The following UNC5D variants were observed in gnomAD, a reference collection of about 807,000 sequenced individuals.
The protein encoded by UNC5D is unc-5 netrin receptor D, also known as netrin receptor UNC5D.
Under a neutral mutation model 105.4 loss-of-function variants are expected in UNC5D, and 39 were observed. The observed-to-expected ratio is 0.37, with a 90% CI of 0.29 to 0.48. UNC5D has a LOEUF of 0.48. Among genes scored for constraint, UNC5D ranks in the 20% least tolerant of loss-of-function variants. UNC5D has a pLI of 0.98. For missense variants in UNC5D, 991 were observed against 1,202.4 expected (o/e 0.82, Z 2.60); for synonymous variants, 452 against 450.4 (o/e 1.00, Z -0.04).
intron 4 of UNC5D, among the ~76,000 whole-genome samples, chr8:35,662,493 C>A (rs1329387833): frequency 1.3e-5 from 2 of 152,006 alleles, no homozygotes; most frequent in Non-Finnish European, 2.9e-5. Flanking sequence ...AAGAGATGAG[C>A]CTTGGTTTAA....
chr8:35,757,127 C>G (rs561288543), intron 13 of UNC5D, among the ~76,000 whole-genome samples: 7 of 152,092 alleles, frequency 4.6e-5, no homozygotes, highest in South Asian at 4.1e-4. Flanking sequence ...ATAATTTGCC[C>G]AAGACCACAC....
chr8:35,350,971 A>C (rs1473228005), intron 1 of UNC5D, among the ~76,000 whole-genome samples: 2 of 152,102 alleles, frequency 1.3e-5, no homozygotes, highest in Non-Finnish European at 2.9e-5. Context: ...AAATATCTAA[A>C]AAGTTATTTC....
chr8:35,548,724 C>T (rs1815880690), intron 1 of UNC5D, among the ~76,000 whole-genome samples: 1 of 152,166 alleles, frequency 6.6e-6, no homozygotes, highest in African/African-American at 2.4e-5. Context: ...ATCATGTTCC[C>T]TTTGAAGGGG....
intron 4 of UNC5D, among the ~76,000 whole-genome samples, chr8:35,602,811 C>T (rs866767746): frequency 5.3e-4 from 81 of 151,642 alleles, no homozygotes; most frequent in African/African-American, 1.8e-3. Context: ...CATGCTGGTG[C>T]GCTGCACCCA....
At chr8:35,548,205 A>G (rs1197274789) in intron 1 of UNC5D, among the ~76,000 whole-genome samples, 1 of 152,102 alleles carries the variant, frequency 6.6e-6, no homozygotes, top group Non-Finnish European at 1.5e-5. Flanking sequence ...CTTCCATCCA[A>G]TCAAGTTGAC....
intron 4 of UNC5D, among the ~76,000 whole-genome samples, chr8:35,637,563 G>A (rs959443498): frequency 2.0e-5 from 3 of 152,116 alleles, no homozygotes; most frequent in African/African-American, 7.2e-5. Context: ...TCTCTAATGG[G>A]TATGAGAGTA....
chr8:35,629,441 A>G (rs1469636214), intron 4 of UNC5D, among the ~76,000 whole-genome samples: 1 of 152,162 alleles, frequency 6.6e-6, no homozygotes, highest in African/African-American at 2.4e-5. Flanking sequence ...GCAACAGAAA[A>G]TCAAATACTG....
Position 35,722,317 on chromosome 8 carries a change from G to A in UNC5D, c.1225G>A (p.Asp409Asn). ...CACCCTTTACAGACGGAGCCAGAGTGACTATGGCGTGGACGTCATTGACTC... is the reference window on the plus strand; with the variant it reads ...CACCCTTTACAGACGGAGCCAGAGTAACTATGGCGTGGACGTCATTGACTC... ...GVTLYRRSQSDYGVDVIDSSA... is the reference protein window; with the variant it reads ...GVTLYRRSQSNYGVDVIDSSA... The change falls in exon 9 of 17, where the codon GAC (aspartate) becomes AAC (asparagine). Residue 409 changes from aspartate (D) to asparagine (N), a missense_variant. Around this residue, in one of 3 missense-constraint regions of UNC5D, gnomAD observed 944 missense variants for 1,131.6 expected, o/e 0.83. Coordinates refer to ENST00000404895, the MANE Select transcript of UNC5D (RefSeq NM_080872.4). 6.2e-7 allele frequency: 1 copy of A among 1,614,158 alleles called. No homozygotes were observed. The highest frequency in any genetic ancestry group is 8.5e-7 in the Non-Finnish European group (1 of 1,180,028).
intron 1 of UNC5D, among the ~76,000 whole-genome samples, chr8:35,517,754 T>C (rs1364217567): frequency 1.3e-5 from 2 of 152,208 alleles, no homozygotes; most frequent in African/African-American, 2.4e-5. Flanking sequence ...CATAACAAAG[T>C]ACCATGGACT....
intron 1 of UNC5D, among the ~76,000 whole-genome samples, chr8:35,239,193 G>C (rs1181050159): frequency 3.3e-5 from 5 of 152,082 alleles, no homozygotes; most frequent in African/African-American, 1.2e-4. Context: ...TTGCTCTCCA[G>C]ATGACCTATC....
At chr8:35,643,709 C>T (rs1258234643) in intron 4 of UNC5D, among the ~76,000 whole-genome samples, 1 of 152,010 alleles carries the variant, frequency 6.6e-6, no homozygotes, top group African/African-American at 2.4e-5. Context: ...CAGATCAGTC[C>T]TTGCATGACT....
At chr8:35,633,597 T>G (rs959888142) in intron 4 of UNC5D, among the ~76,000 whole-genome samples, 1 of 151,448 alleles carries the variant, frequency 6.6e-6, no homozygotes, top group Non-Finnish European at 1.5e-5. Context: ...AAAAAAAATT[T>G]TTTTTAAATT....
intron 1 of UNC5D, among the ~76,000 whole-genome samples, chr8:35,453,912 T>G (rs1808324171): frequency 6.6e-6 from 1 of 152,162 alleles, no homozygotes; most frequent in African/African-American, 2.4e-5. Flanking sequence ...TAAGCTGCCT[T>G]TTTCTTTCCT....
At chr8:35,258,775 A>G (rs886249837) in intron 1 of UNC5D, among the ~76,000 whole-genome samples, 11 of 152,226 alleles carry the variant, frequency 7.2e-5, no homozygotes, top group African/African-American at 2.7e-4. Flanking sequence ...AATAAACTCT[A>G]TAAGGAAAAG....
chr8:35,490,107 G>T (rs1470589507), intron 1 of UNC5D, among the ~76,000 whole-genome samples: 3 of 152,154 alleles, frequency 2.0e-5, no homozygotes, highest in Non-Finnish European at 4.4e-5. Context: ...AAAATTGTTG[G>T]TTGTTTTTTG....
intron 1 of UNC5D, among the ~76,000 whole-genome samples, chr8:35,295,515 T>C (rs1020064992): frequency 6.6e-6 from 1 of 152,208 alleles, no homozygotes; most frequent in African/African-American, 2.4e-5. Flanking sequence ...TTTTTGCTTT[T>C]TAAAAAATGT....
chr8:35,619,905 A>T (rs1222609627), intron 4 of UNC5D, among the ~76,000 whole-genome samples: 1 of 152,044 alleles, frequency 6.6e-6, no homozygotes, highest in Admixed American at 6.6e-5. Context: ...CAGTGTAGAG[A>T]GTGTAGATGC....
At chr8:35,575,672 A>G (rs1291953880) in intron 3 of UNC5D, among the ~76,000 whole-genome samples, 1 of 152,214 alleles carries the variant, frequency 6.6e-6, no homozygotes, top group East Asian at 1.9e-4. Flanking sequence ...AACACTTGGT[A>G]TAAATCATAC....
At chr8:35,704,881 G>A (rs752260323) in intron 7 of UNC5D, among the ~76,000 whole-genome samples, 4 of 151,828 alleles carry the variant, frequency 2.6e-5, no homozygotes, top group African/African-American at 4.8e-5. Context: ...GATAGGACAG[G>A]AGACAATGAA....
Sources: allele counts gnomAD v4.1 joint callset (sites outside exome capture counted in the v4.1 genomes callset), GRCh38; gene constraint gnomAD v4.1.1; regional missense constraint gnomAD v4.1.1; transcripts MANE v1.5; gene names NCBI Gene and HGNC (gene_info 2026-07-23, HGNC 2026-07-21).